The following ARHGAP35 variants were observed in gnomAD, a reference collection of about 807,000 sequenced individuals.
ARHGAP35 encodes the protein rho GTPase-activating protein 35.
In ARHGAP35, 15 loss-of-function variants were observed where a neutral mutation model predicts 111.1. That is an observed-to-expected ratio of 0.13 (90% CI 0.09 to 0.21). The LOEUF (loss-of-function observed/expected upper bound fraction) is 0.21, where lower values mean the gene tolerates loss of function less well. Ranked by LOEUF, ARHGAP35 falls within the 10% of genes least tolerant of loss-of-function variation. The pLI is 1.00. For synonymous variants in ARHGAP35, 643 were observed against 710.3 expected (o/e 0.91, Z 1.51); for missense variants, 1,262 against 1,873.0 (o/e 0.67, Z 6.02).
chr19:46,934,527 C>T (rs2056293033), intron 2 of ARHGAP35, among the ~76,000 whole-genome samples: 1 of 152,086 alleles, frequency 6.6e-6, no homozygotes, highest in Admixed American at 6.5e-5. Context: ...GCCATCATGC[C>T]CGGCTAATTT....
At chr19:46,898,543 A>C (rs2056068914) in intron 1 of ARHGAP35, among the ~76,000 whole-genome samples, 1 of 152,140 alleles carries the variant, frequency 6.6e-6, no homozygotes, top group East Asian at 1.9e-4. Flanking sequence ...TTTCCATCTT[A>C]GTTAATATTG....
Position 46,988,436 on chromosome 19 carries a change from C to T in ARHGAP35, c.3904+370C>T, listed in dbSNP as rs1040782673. 4.3e-6 allele frequency: 1 copy of T among 231,264 alleles called. No homozygotes were observed. The highest frequency in any genetic ancestry group is 2.3e-5 in the African/African-American group (1 of 43,618). The allele number at this position is 231,264 out of a possible 1,614,324, so 14.3% of individuals were successfully genotyped here. ...ATACAAGTCGGGTTGAGATGTGATC[C>T]TGTTTTGCCAGGGCCTCAGATCTAC... On this transcript the variant is annotated intron_variant, in intron 4 of 6. Transcript: ENST00000672722. The surrounding 1 kb of genome is among the most constrained non-coding windows in gnomAD (Gnocchi z 5.4).
chr19:47,001,043 C>T lies in ARHGAP35; in HGVS notation c.*355C>T. ...ACAGAGCCCATGGTCGGGACAGTGC[C>T]CTGGCCTTTGCCGGGGAGGAGGATG... is the stretch of plus-strand genomic sequence containing the variant. On this transcript the variant is annotated 3_prime_UTR_variant, in exon 7 of 7. Transcript: ENST00000672722. This position sits in a 1 kb window ranked among gnomAD's most constrained non-coding sequence, Gnocchi z 5.4. 1 of 1,384,628 alleles carries T rather than the reference C, an allele frequency of 7.2e-7. No homozygotes were observed. The highest frequency in any genetic ancestry group is 9.5e-7 in the Non-Finnish European group (1 of 1,051,884). 85.8% of individuals were successfully genotyped at this position (1,384,628 alleles called of 1,614,324 possible). A position where few individuals can be genotyped will look rare whatever the true frequency, so the allele number is the denominator to read the frequency against.
At chr19:46,967,030 C>T (rs952581240) in intron 3 of ARHGAP35, among the ~76,000 whole-genome samples, 4 of 152,070 alleles carry the variant, frequency 2.6e-5, no homozygotes, top group African/African-American at 4.8e-5. Context: ...GGTGAGAGGC[C>T]GTGCTGACCA....
At chr19:46,910,998 G>A (rs148148367) in intron 1 of ARHGAP35, among the ~76,000 whole-genome samples, 1,950 of 152,202 alleles carry the variant, frequency 0.013, 28 homozygotes, top group Non-Finnish European at 0.016. Context: ...GAGCCACTGC[G>A]CCCTGCTCGA....
At position 47,004,425 on chromosome 19, in the gene ARHGAP35, A is replaced by ATGCTACAG. The variant is rs2056765599; in HGVS notation, c.*3737_*3738insTGCTACAG. 3 of 152,378 alleles carry ATGCTACAG rather than the reference A, an allele frequency of 2.0e-5. No individual in the cohort carries two copies. Among genetic ancestry groups the ATGCTACAG allele is most frequent in the Non-Finnish European group, 4.4e-5 (3 of 68,052 alleles). The allele number at this position is 152,378 out of a possible 1,614,324, so 9.4% of individuals were successfully genotyped here. A position where few individuals can be genotyped will look rare whatever the true frequency, so the allele number is the denominator to read the frequency against. On this transcript the variant is annotated 3_prime_UTR_variant, in exon 7 of 7. Coordinates refer to ENST00000672722, the MANE Select transcript of ARHGAP35 (RefSeq NM_004491.5). Reference sequence around the variant, plus strand: ...GCCTCCCCCAGCCCTCCCGTGGCGGAGCCGGCAGCGATGCTACAGGCCTAA... The same window carrying ATGCTACAG: ...GCCTCCCCCAGCCCTCCCGTGGCGGATGCTACAGGCCGGCAGCGATGCTACAGGCCTAA...
chr19:46,978,538 ATG>A (rs531674585), intron 3 of ARHGAP35, among the ~76,000 whole-genome samples: 4 of 69,636 alleles, frequency 5.7e-5, no homozygotes, highest in Admixed American at 1.5e-4. Flanking sequence ...GTGTGGTGGG[ATG>A]TGTGTGTGTG....
intron 1 of ARHGAP35, among the ~76,000 whole-genome samples, chr19:46,899,327 G>T (rs748751356): frequency 6.6e-5 from 10 of 152,168 alleles, no homozygotes; most frequent in Non-Finnish European, 1.2e-4. Context: ...CTTTTTGAAG[G>T]ATAGCTAGAA....
At chr19:46,998,205 G>A (rs913906439) in intron 5 of ARHGAP35, among the ~76,000 whole-genome samples, 4 of 152,052 alleles carry the variant, frequency 2.6e-5, no homozygotes, top group Non-Finnish European at 5.9e-5. Flanking sequence ...CGGCCGAGAC[G>A]GTCTGGCACC....
At position 47,000,487 on chromosome 19, in the gene ARHGAP35, C is replaced by T. The variant is rs773475221; in HGVS notation, c.4299C>T (p.Pro1433=). 1.3e-5 allele frequency: 21 copies of T among 1,613,724 alleles called. No homozygotes were observed. In the East Asian group the frequency reaches 2.2e-4, roughly 17 times the overall value. ...TIIELFIQQC[P]FFFYNRPITE... ...TTGAACTCTTTATCCAGCAGTGCCC[C>T]TTCTTCTTCTACAATCGGCCCATCA... The change falls in exon 7 of 7, where the codon CCC becomes CCT. Residue 1433 remains proline, a synonymous_variant. Coordinates refer to ENST00000672722, the MANE Select transcript of ARHGAP35 (RefSeq NM_004491.5). This position sits in a 1 kb window ranked among gnomAD's most constrained non-coding sequence, Gnocchi z 6.9.
chr19:46,967,319 C>T (rs538782915), intron 3 of ARHGAP35, among the ~76,000 whole-genome samples: 1 of 152,130 alleles, frequency 6.6e-6, no homozygotes, highest in African/African-American at 2.4e-5. Context: ...AGGTTTTCAT[C>T]CCAGAGAATC....
intron 3 of ARHGAP35, among the ~76,000 whole-genome samples, chr19:46,961,987 A>AGGAAG (rs1599849640): frequency 1.3e-5 from 2 of 152,020 alleles, no homozygotes; most frequent in Non-Finnish European, 1.5e-5. Flanking sequence ...AAAGGAAGGA[A>AGGAAG]GGAAGGGAAG....
At chr19:46,957,301 C>T (rs2056445343) in intron 3 of ARHGAP35, among the ~76,000 whole-genome samples, 1 of 152,078 alleles carries the variant, frequency 6.6e-6, no homozygotes, top group Non-Finnish European at 1.5e-5. Context: ...TGGTACCATC[C>T]TTCATCATTT....
At chr19:46,963,963 G>A (rs1321191983) in intron 3 of ARHGAP35, among the ~76,000 whole-genome samples, 1 of 151,904 alleles carries the variant, frequency 6.6e-6, no homozygotes, top group Non-Finnish European at 1.5e-5. Flanking sequence ...CGCCTCCCAG[G>A]TTCAAGCAAT....
In ARHGAP35 at chr19:46,986,974, A is replaced by G. The variant is rs1430304967; in HGVS notation, c.3827-1015A>G. The stretch of plus-strand genomic sequence containing the variant: ...CTCCCGAGTAGCTGGGATTATAGGC[A>G]TGTGCCACCACACCCACCTAATTTT... On this transcript the variant is annotated intron_variant, in intron 3 of 6. Coordinates refer to ENST00000672722, the MANE Select transcript of ARHGAP35 (RefSeq NM_004491.5). The surrounding 1 kb of genome is among the most constrained non-coding windows in gnomAD (Gnocchi z 4.3). Among the ~76,000 whole-genome samples the G allele has an allele frequency of 4.6e-5, 7 of 151,548 alleles. No homozygotes were observed. The highest frequency in any genetic ancestry group is 1.0e-4 in the Non-Finnish European group (7 of 67,868).
chr19:46,973,373 T>C (rs1453972515), intron 3 of ARHGAP35, among the ~76,000 whole-genome samples: 1 of 146,002 alleles, frequency 6.8e-6, no homozygotes, highest in Admixed American at 6.8e-5. Context: ...CAAAAATAAA[T>C]ACATAAATAA....
At position 46,992,054 on chromosome 19, in the gene ARHGAP35, G is replaced by T; in HGVS notation, c.4036+2379G>T. Among the ~76,000 whole-genome samples, 1 of 152,188 alleles carries T rather than the reference G, an allele frequency of 6.6e-6. No homozygotes were observed. The highest frequency in any genetic ancestry group is 2.1e-4 in the South Asian group (1 of 4,832). ...TAGAGACGTTTGTGATTATTTGCCA[G>T]TTATTTTCCTCCCACACTCAAGGTG... On this transcript the variant is annotated intron_variant, in intron 5 of 6. Transcript: ENST00000672722. This position sits in a 1 kb window ranked among gnomAD's most constrained non-coding sequence, Gnocchi z 4.4.
chr19:46,875,910 A>C (rs551480284), intron 1 of ARHGAP35, among the ~76,000 whole-genome samples: 5 of 152,218 alleles, frequency 3.3e-5, no homozygotes, highest in South Asian at 4.1e-4. Context: ...AGTGTCTCAT[A>C]CACCTAAATG....
intron 1 of ARHGAP35, among the ~76,000 whole-genome samples, chr19:46,905,878 G>T (rs1291954311): frequency 1.3e-5 from 2 of 151,568 alleles, no homozygotes; most frequent in East Asian, 3.9e-4. Flanking sequence ...TAGAGATGGG[G>T]TTTCACCATC....
Sources: gnomAD v4.1 joint callset for allele counts (sites outside exome capture counted in the v4.1 genomes callset) on GRCh38, gnomAD v4.1.1 for gene constraint, Gnocchi (gnomAD v3.1) non-coding constraint, MANE v1.5 for transcripts, NCBI Gene and HGNC (gene_info 2026-07-23, HGNC 2026-07-21) for gene names.